Variants in PDE4B observed in about 807,000 individuals in gnomAD.
PDE4B encodes phosphodiesterase 4B, also known as 3',5'-cyclic-AMP phosphodiesterase 4B.
Under a neutral mutation model 82.2 loss-of-function variants are expected in PDE4B, and 20 were observed. The ratio of observed to expected loss-of-function variants is 0.24; its 90% CI spans 0.17 to 0.35. PDE4B has a LOEUF of 0.35. Ranked by LOEUF, PDE4B falls within the 10% of genes least tolerant of loss-of-function variation. PDE4B has a pLI of 1.00. For missense variants in PDE4B, 655 were observed against 907.2 expected (o/e 0.72, Z 3.57); for synonymous variants, 320 against 318.9 (o/e 1.00, Z -0.04).
At chr1:66,358,179 C>A (rs1662419019) in intron 9 of PDE4B, among the ~76,000 whole-genome samples, 1 of 152,140 alleles carries the variant, frequency 6.6e-6, no homozygotes, top group Non-Finnish European at 1.5e-5. Context: ...GATCGCTTGG[C>A]TAATACTTTC....
At chr1:66,018,097 G>A (rs1421962139) in intron 3 of PDE4B, among the ~76,000 whole-genome samples, 1 of 152,118 alleles carries the variant, frequency 6.6e-6, no homozygotes, top group Non-Finnish European at 1.5e-5. Context: ...TTCAGCAAAA[G>A]GAAGACAGAC....
chr1:66,204,919 T>C (rs1214223893), intron 3 of PDE4B, among the ~76,000 whole-genome samples: 3 of 152,172 alleles, frequency 2.0e-5, no homozygotes, highest in African/African-American at 7.2e-5. Context: ...AATGCAGAAA[T>C]CACCCGTCTT....
At chr1:66,112,703 C>T (rs1270286250) in intron 3 of PDE4B, 1 of 152,116 alleles carries the variant, frequency 6.6e-6, no homozygotes, top group Non-Finnish European at 1.5e-5. Context: ...CTGTGTTTTC[C>T]TTCTGTGCCT....
intron 3 of PDE4B, among the ~76,000 whole-genome samples, chr1:66,090,867 T>C (rs1645009158): frequency 6.6e-6 from 1 of 151,842 alleles, no homozygotes; most frequent in Non-Finnish European, 1.5e-5. Flanking sequence ...TGACGGGAAC[T>C]AGAGAATGTT....
intron 3 of PDE4B, among the ~76,000 whole-genome samples, chr1:66,188,458 G>C (rs374869628): frequency 6.6e-6 from 1 of 151,814 alleles, no homozygotes; most frequent in Non-Finnish European, 1.5e-5. Flanking sequence ...CATTATTATT[G>C]TGTGGGAGTC....
At chr1:66,095,260 A>G (rs935517115) in intron 3 of PDE4B, among the ~76,000 whole-genome samples, 1 of 151,936 alleles carries the variant, frequency 6.6e-6, no homozygotes, top group African/African-American at 2.4e-5. Context: ...TCTTGAGCAA[A>G]TAACTTATTT....
intron 3 of PDE4B, among the ~76,000 whole-genome samples, chr1:66,083,591 T>C (rs1357318113): frequency 2.0e-5 from 3 of 152,144 alleles, no homozygotes; most frequent in African/African-American, 7.2e-5. Flanking sequence ...TCCAAATCCA[T>C]GTCTGTTTCA....
At chr1:66,086,208 G>A (rs1315292793) in intron 3 of PDE4B, among the ~76,000 whole-genome samples, 3 of 152,164 alleles carry the variant, frequency 2.0e-5, no homozygotes, top group Admixed American at 6.6e-5. Context: ...TTTATTAAAA[G>A]CATGTTGCTT....
At chr1:65,940,781 A>G (rs1326795057) in intron 3 of PDE4B, among the ~76,000 whole-genome samples, 1 of 152,110 alleles carries the variant, frequency 6.6e-6, no homozygotes, top group Non-Finnish European at 1.5e-5. Flanking sequence ...GGACAAGTAT[A>G]AAAGTGTTGA....
intron 3 of PDE4B, among the ~76,000 whole-genome samples, chr1:65,997,521 C>T (rs186572228): frequency 5.3e-5 from 8 of 152,258 alleles, no homozygotes; most frequent in Non-Finnish European, 1.2e-4. Flanking sequence ...CTTAGAACTG[C>T]CGACATGCTT....
At chr1:65,883,693 G>A (rs1249852693) in intron 1 of PDE4B, among the ~76,000 whole-genome samples, 1 of 152,098 alleles carries the variant, frequency 6.6e-6, no homozygotes, top group Non-Finnish European at 1.5e-5. Context: ...CCAACACTAT[G>A]TTGAATAGGA....
intron 7 of PDE4B, among the ~76,000 whole-genome samples, chr1:66,274,825 C>T (rs912687869): frequency 2.0e-5 from 3 of 152,170 alleles, no homozygotes; most frequent in African/African-American, 7.2e-5. Flanking sequence ...GCTAAGATCC[C>T]AGCCTTCTGG....
chr1:65,874,559 C>T (rs1461735838), intron 1 of PDE4B, among the ~76,000 whole-genome samples: 1 of 152,130 alleles, frequency 6.6e-6, no homozygotes, highest in Non-Finnish European at 1.5e-5. Flanking sequence ...TACAAGGCTA[C>T]AGTAACCAAA....
intron 3 of PDE4B, among the ~76,000 whole-genome samples, chr1:66,207,501 G>C (rs1649645359): frequency 6.6e-6 from 1 of 152,128 alleles, no homozygotes; most frequent in Non-Finnish European, 1.5e-5. Context: ...TTCAAAACAG[G>C]AATTTATTGT....
At chr1:66,296,784 A>G (rs1184901506) in intron 7 of PDE4B, among the ~76,000 whole-genome samples, 1 of 152,166 alleles carries the variant, frequency 6.6e-6, no homozygotes, top group Non-Finnish European at 1.5e-5. Flanking sequence ...AGCAGCTCTT[A>G]TTCATGTGAA....
Position 66,372,250 on chromosome 1 carries a change from G to A in PDE4B, c.1846-63G>A, listed in dbSNP as rs1180264832. 3 of 1,504,472 alleles carry A rather than the reference G, an allele frequency of 2.0e-6. No homozygotes were observed. In the East Asian group the frequency reaches 6.8e-5, roughly 34 times the overall value. The allele number at this position is 1,504,472 out of a possible 1,614,324, so 93.2% of individuals were successfully genotyped here. ...TGTTCTTTCTTTGCATGGAAACCAG[G>A]AAACCTTGTTTACTTTTCAAGCACC... On this transcript the variant is annotated intron_variant, in intron 16 of 16. Coordinates refer to ENST00000341517, the MANE Select transcript of PDE4B (RefSeq NM_002600.4).
In PDE4B at chr1:66,059,365, C is replaced by T. The variant is rs111737401; in HGVS notation, c.281+140530C>T. Reference sequence around the variant, plus strand: ...TCTGCCTGTTACCCAGTTCCAAAGTCGCTTCCACATTTTCAGGTATCTTTT... The same window carrying T: ...TCTGCCTGTTACCCAGTTCCAAAGTTGCTTCCACATTTTCAGGTATCTTTT... On this transcript the variant is annotated intron_variant, in intron 3 of 16. Coordinates refer to ENST00000341517, the MANE Select transcript of PDE4B (RefSeq NM_002600.4). Among the ~76,000 whole-genome samples the T allele has an allele frequency of 4.2e-3, 640 of 152,284 alleles. 8 individuals carry two copies. Among genetic ancestry groups the T allele is most frequent in the African/African-American group, 0.014 (593 of 41,560 alleles).
chr1:66,340,092 T>A (rs1660862301), intron 8 of PDE4B, among the ~76,000 whole-genome samples: 1 of 152,226 alleles, frequency 6.6e-6, no homozygotes, highest in Non-Finnish European at 1.5e-5. Flanking sequence ...TTCACACTCT[T>A]GAAGGCATGG....
intron 1 of PDE4B, among the ~76,000 whole-genome samples, chr1:65,872,429 G>C (rs1422038759): frequency 6.6e-6 from 1 of 151,976 alleles, no homozygotes; most frequent in African/African-American, 2.4e-5. Flanking sequence ...AGTTGACACT[G>C]GGCTCACTCT....
Sources: allele counts gnomAD v4.1 joint callset (sites outside exome capture counted in the v4.1 genomes callset), GRCh38; gene constraint gnomAD v4.1.1; transcripts MANE v1.5; gene names NCBI Gene and HGNC (gene_info 2026-07-23, HGNC 2026-07-21).